NKIRAS1: variants seen among roughly 807,000 people sequenced by gnomAD.
The protein encoded by NKIRAS1 is NF-kappa-B inhibitor-interacting Ras-like protein 1.
In NKIRAS1, 16 loss-of-function variants were observed where a neutral mutation model predicts 19.8. The ratio of observed to expected loss-of-function variants is 0.81; its 90% confidence interval spans 0.55 to 1.23. NKIRAS1 has a LOEUF of 1.23. Among genes scored for constraint, NKIRAS1 ranks in the 50% most tolerant of loss-of-function variants. The pLI is 0.00. For synonymous variants in NKIRAS1, 88 were observed against 79.0 expected, an observed-to-expected ratio of 1.11 and a Z score of -0.61; for missense variants, 184 against 220.0, an observed-to-expected ratio of 0.84 and a Z score of 1.04.
chr3:23,946,133 G>A, intron 1 of NKIRAS1: 1 of 984,632 alleles, frequency 1.0e-6, no homozygotes. Flanking sequence ...CTCCTCCCCC[G>A]CGGGGTTGCA....
intron 1 of NKIRAS1, among the ~76,000 whole-genome samples, chr3:23,942,080 G>C (rs1274080656): frequency 6.6e-6 from 1 of 152,028 alleles, no homozygotes; most frequent in Non-Finnish European, 1.5e-5. Flanking sequence ...CCGGGTTCAA[G>C]GGATTCTCGT....
chr3:23,939,410 C>G (rs922649919), intron 1 of NKIRAS1, among the ~76,000 whole-genome samples: 1 of 152,110 alleles, frequency 6.6e-6, no homozygotes, highest in Admixed American at 6.6e-5. Context: ...TTTTGTAGGA[C>G]TGATCAAGAA....
At chr3:23,918,936 C>T (rs1268421266), upstream of NKIRAS1, 16 of 531,320 alleles carry the variant, frequency 3.0e-5, no homozygotes, top group Non-Finnish European at 5.3e-5. Flanking sequence ...TTTTGTTACC[C>T]AGATATTAAC....
rs182577762 is a variant in NKIRAS1, at chr3:23,890,236, A to G, written c.*2859T>C. On this transcript the variant is annotated 3_prime_UTR_variant, in exon 5 of 5. Transcript: ENST00000425478. ...TCAGCCTAACACATAAGAGTAAAGA[A>G]ACTCCAATTGAGTGTTGTTTGTTGG... Among the ~76,000 whole-genome samples, 1 of 152,308 alleles carries G rather than the reference A, an allele frequency of 6.6e-6. No individual in the cohort carries two copies. The highest frequency in any genetic ancestry group is 6.5e-5 in the Admixed American group (1 of 15,294).
intron 1 of NKIRAS1, among the ~76,000 whole-genome samples, chr3:23,930,710 T>A (rs1383260546): frequency 1.3e-5 from 2 of 152,174 alleles, no homozygotes; most frequent in Non-Finnish European, 2.9e-5. Context: ...TTTCATTTTT[T>A]TATTTTCTGA....
chr3:23,903,982 T>G (rs1332061413), intron 3 of NKIRAS1, among the ~76,000 whole-genome samples: 1 of 152,046 alleles, frequency 6.6e-6, no homozygotes, highest in African/African-American at 2.4e-5. Flanking sequence ...CTAGCCAACA[T>G]GGTGAAACCC....
chr3:23,916,822 G>A lies in NKIRAS1; in HGVS notation c.-178C>T, dbSNP rs1704576581. The A allele has an allele frequency of 6.5e-6, 1 of 152,770 alleles. No individual in the cohort carries two copies. Among genetic ancestry groups the A allele is most frequent in the African/African-American group, 2.4e-5 (1 of 41,480 alleles). The allele number at this position is 152,770 out of a possible 1,614,324, so 9.5% of individuals were successfully genotyped here. A position where few individuals can be genotyped will look rare whatever the true frequency, so the allele number is the denominator to read the frequency against. Reference sequence around the variant, plus strand: ...AGACCTCAAAGACAGCGGCTCCACCGCGGTACGCGGCCACCGGCTTTGGAG... The same window carrying A: ...AGACCTCAAAGACAGCGGCTCCACCACGGTACGCGGCCACCGGCTTTGGAG... On this transcript the variant is annotated 5_prime_UTR_variant, in exon 1 of 5. Transcript: ENST00000425478.
At chr3:23,918,376 C>T (rs1040429331), upstream of NKIRAS1, 214 of 1,544,816 alleles carry the variant, frequency 1.4e-4, no homozygotes, top group Non-Finnish European at 1.8e-4. Context: ...TAGTGACAAG[C>T]CATTGAGTCT....
chr3:23,923,898 T>C (rs1559514356), intron 1 of NKIRAS1: 1 of 152,232 alleles, frequency 6.6e-6, no homozygotes, highest in Admixed American at 6.5e-5. Flanking sequence ...ACTTTTATTT[T>C]GCATTCTGAG....
upstream of NKIRAS1, chr3:23,920,179 C>A (rs1227003130): frequency 2.8e-5 from 28 of 985,510 alleles, no homozygotes; most frequent in Non-Finnish European, 3.3e-5. Flanking sequence ...TAGATAAATA[C>A]CTTTCAAGTG....
In NKIRAS1 at chr3:23,937,410, A is replaced by G. The variant is rs4132595; in HGVS notation, c.-140+8913T>C. ...GGTCAGTTAATGAACTCATGCTAGG[A>G]GAGATTGCACTGCTGGGAGGAATTC... On this transcript the variant is annotated intron_variant, in intron 1 of 4. Coordinates refer to the NKIRAS1 transcript ENST00000421515. Among the ~76,000 whole-genome samples the G allele has an allele frequency of 3.6e-3, 547 of 152,324 alleles. 15 individuals are homozygous for G. In the East Asian group the frequency reaches 0.051, roughly 14 times the overall value.
intron 1 of NKIRAS1, among the ~76,000 whole-genome samples, chr3:23,913,997 T>G (rs146414218): frequency 1.3e-5 from 2 of 152,284 alleles, no homozygotes; most frequent in African/African-American, 4.8e-5. Context: ...CCTAAGAAAC[T>G]GGGCAATAAA....
chr3:23,909,431 A>C (rs145307355), intron 3 of NKIRAS1, among the ~76,000 whole-genome samples: 12 of 152,270 alleles, frequency 7.9e-5, no homozygotes, highest in African/African-American at 2.9e-4. Context: ...GGAGGCTGAG[A>C]AAGGAGAATT....
chr3:23,894,061 A>G (rs1701726473), intron 4 of NKIRAS1, among the ~76,000 whole-genome samples: 1 of 152,218 alleles, frequency 6.6e-6, no homozygotes, highest in Non-Finnish European at 1.5e-5. Context: ...CATTATTCAC[A>G]ATACTAAAAA....
At chr3:23,901,904 C>T (rs1188115747) in intron 3 of NKIRAS1, among the ~76,000 whole-genome samples, 1 of 152,142 alleles carries the variant, frequency 6.6e-6, no homozygotes, top group Non-Finnish European at 1.5e-5. Context: ...CAAACCCCAT[C>T]TCAACTAAAA....
intron 1 of NKIRAS1, among the ~76,000 whole-genome samples, chr3:23,911,675 A>G (rs1282282986): frequency 6.6e-6 from 1 of 152,196 alleles, no homozygotes; most frequent in Non-Finnish European, 1.5e-5. Flanking sequence ...AAGTTTTTAG[A>G]AAATGGACAT....
At chr3:23,906,275 A>T (rs2125399849) in intron 3 of NKIRAS1, among the ~76,000 whole-genome samples, 1 of 152,328 alleles carries the variant, frequency 6.6e-6, no homozygotes, top group Non-Finnish European at 1.5e-5. Flanking sequence ...GAAAAAAAAT[A>T]GATTATCTGA....
chr3:23,890,336 T>A lies in NKIRAS1; in HGVS notation c.*2759A>T, dbSNP rs973668466. On this transcript the variant is annotated 3_prime_UTR_variant, in exon 5 of 5. Transcript: ENST00000425478. ...TAAGCATTCCCTCTTCCCCCAACGT[T>A]ATGTTTTTTTGAAATTTTGATGGAA... Among the ~76,000 whole-genome samples the A allele has an allele frequency of 6.6e-6, 1 of 152,200 alleles. No individual in the cohort carries two copies. Among genetic ancestry groups the A allele is most frequent in the Non-Finnish European group, 1.5e-5 (1 of 68,024 alleles).
chr3:23,909,865 T>G (rs1443131469), intron 3 of NKIRAS1, among the ~76,000 whole-genome samples: 5 of 32,598 alleles, frequency 1.5e-4, no homozygotes, highest in Non-Finnish European at 4.9e-4. Context: ...TTTTTTTTTG[T>G]TTTTTTTTTT....
Sources: gnomAD v4.1 joint callset for allele counts (sites outside exome capture counted in the v4.1 genomes callset) on GRCh38, gnomAD v4.1.1 for gene constraint, MANE v1.5 for transcripts, NCBI Gene and HGNC (gene_info 2026-07-23, HGNC 2026-07-21) for gene names.